Variants in CCDC59 observed in about 807,000 individuals in gnomAD.
CCDC59 encodes thyroid transcription factor 1-associated protein 26.
Under a neutral mutation model 30.5 loss-of-function variants are expected in CCDC59, and 27 were observed. That is an observed-to-expected ratio of 0.89 (90% confidence interval 0.65 to 1.22). The LOEUF is 1.22. CCDC59 is among the 50% of genes most tolerant of loss of function. CCDC59 has a pLI of 0.00. For synonymous variants in CCDC59, 125 were observed against 100.9 expected (o/e 1.24, Z -1.43); for missense variants, 362 against 284.4 (o/e 1.27, Z -1.96).
upstream of CCDC59, chr12:82,358,697 A>C: frequency 3.1e-6 from 5 of 1,614,158 alleles, no homozygotes; most frequent in Non-Finnish European, 4.2e-6. Context: ...TCTACACAGA[A>C]TCCGTGTGGG....
intron 1 of CCDC59, 183 bp from the exon 2 acceptor site, chr12:82,357,452 C>A: frequency 1.7e-6 from 1 of 594,882 alleles, no homozygotes; most frequent in Non-Finnish European, 2.9e-6. Flanking sequence ...AGTAAGTTGG[C>A]CCTTTGCAAA....
In CCDC59 at chr12:82,353,372, T is replaced by C. The variant is rs528169323; in HGVS notation, c.565-60A>G. ...ACAAACAGTAGATACAGTTCAGAAA[T>C]TGTCTTGAAATAGCTATTACTAAGC... On this transcript the variant is annotated intron_variant, in intron 3 of 3. Transcript: ENST00000256151. The C allele has an allele frequency of 4.4e-4, 601 of 1,375,622 alleles. 1 individual carries two copies. Among genetic ancestry groups the C allele is most frequent in the Non-Finnish European group, 5.6e-4 (565 of 1,007,128 alleles). The allele number at this position is 1,375,622 out of a possible 1,614,324, so 85.2% of individuals were successfully genotyped here.
intron 3 of CCDC59, among the ~76,000 whole-genome samples, chr12:82,353,545 C>T (rs1592551442): frequency 6.6e-6 from 1 of 152,054 alleles, no homozygotes; most frequent in Admixed American, 6.6e-5. Flanking sequence ...TCTATATAAA[C>T]AAAATTTTAA....
chr12:82,354,493 A>C lies in CCDC59; in HGVS notation c.564+2T>G. On this transcript the variant is annotated splice_donor_variant, in intron 3 of 3. Transcript: ENST00000256151. LOFTEE classifies it high-confidence loss of function. ...ACTAAATATTTTCAAAGTAGAACTT[A>C]CTTGTTTCTTAGCAGCACGTTTGGC... 1 of 1,576,072 alleles carries C rather than the reference A, an allele frequency of 6.3e-7. No individual in the cohort carries two copies. The highest frequency in any genetic ancestry group is 8.6e-7 in the Non-Finnish European group (1 of 1,157,842).
At chr12:82,354,446 T>C in intron 3 of CCDC59, 49 bp downstream of exon 3, 5 of 1,400,434 alleles carry the variant, frequency 3.6e-6, no homozygotes, top group South Asian at 1.3e-5. Flanking sequence ...TATATATATT[T>C]AGGATAAATA....
At chr12:82,355,647 A>G (rs1370455163) in intron 2 of CCDC59, 1 of 152,242 alleles carries the variant, frequency 6.6e-6, no homozygotes, top group African/African-American at 2.4e-5. Flanking sequence ...ATTCCAATTG[A>G]CAGAAACTGG....
At position 82,352,632 on chromosome 12, in the gene CCDC59, C is replaced by T. The variant is rs1413854410; in HGVS notation, c.*519G>A. The T allele has an allele frequency of 1.3e-5, 2 of 152,290 alleles. No individual in the cohort carries two copies. The highest frequency in any genetic ancestry group is 2.4e-5 in the African/African-American group (1 of 41,432). The allele number at this position is 152,290 out of a possible 1,614,324, so 9.4% of individuals were successfully genotyped here. On this transcript the variant is annotated 3_prime_UTR_variant, in exon 4 of 4. Transcript: ENST00000256151. ...TAAGGGAATGTTTATAAATATCAGA[C>T]TTTGAGTTCACTGCTTTGTGAAGGT...
In CCDC59 at chr12:82,358,326, C is replaced by T. The variant is rs376250125; in HGVS notation, c.51G>A (p.Ala17=). 8.1e-6 allele frequency: 13 copies of T among 1,614,006 alleles called. No individual in the cohort carries two copies. In the African/African-American group the frequency reaches 1.1e-4, roughly 13 times the overall value. Residue 17 remains alanine, a synonymous_variant, in exon 1 of 4, where the codon GCG becomes GCA. Coordinates refer to ENST00000256151, the MANE Select transcript of CCDC59 (RefSeq NM_014167.5). ...SAKWRPGGIE[A]RGEGVSTVGY... ...CGACAGTGGAAACCCCTTCACCACG[C>T]GCCTCAATACCACCAGGCCGCCACT...
Position 82,354,699 on chromosome 12 carries a change from C to A in CCDC59, c.465-105G>T. 7.2e-6 allele frequency: 6 copies of A among 837,766 alleles called. No individual in the cohort carries two copies. In the South Asian group the frequency reaches 1.2e-4, roughly 17 times the overall value. 51.9% of individuals were successfully genotyped at this position (837,766 alleles called of 1,614,324 possible). On this transcript the variant is annotated intron_variant, in intron 2 of 3. Coordinates refer to ENST00000256151, the MANE Select transcript of CCDC59 (RefSeq NM_014167.5). ...AAGAGTATATATTAAATAAAAGGCA[C>A]AAATGGGGATTCTTAGAGAAATATT...
At chr12:82,358,463 G>T (rs763207829), upstream of CCDC59, 96 of 1,601,548 alleles carry the variant, frequency 6.0e-5, no homozygotes, top group Non-Finnish European at 8.1e-5. Context: ...CGCTCAGAAG[G>T]AATCCGGCTC....
At chr12:82,358,543 T>G, upstream of CCDC59, 2 of 1,605,284 alleles carry the variant, frequency 1.2e-6, no homozygotes, top group Non-Finnish European at 1.7e-6. Flanking sequence ...TTGCGCCACC[T>G]ACAGCCTCGG....
Position 82,356,988 on chromosome 12 carries a change from G to A in CCDC59, c.436C>T (p.Pro146Ser), listed in dbSNP as rs1174832724. The change falls in exon 2 of 4, where the codon CCA (proline) becomes TCA (serine). Residue 146 changes from proline (P) to serine (S), a missense_variant. Transcript: ENST00000256151. ...ACTGTTTTAATACATTGTTCTTCTG[G>A]CTGAGGCTGGTCAAAGCTACACTGA... is the stretch of plus-strand genomic sequence containing the variant. Reference protein sequence around the residue: ...EDQCSFDQPQPEEQCIKTVNS... With the variant: ...EDQCSFDQPQSEEQCIKTVNS... The A allele has an allele frequency of 2.5e-6, 4 of 1,613,074 alleles. No homozygotes were observed. The Admixed American group carries it at 5.0e-5, about 20-fold the overall frequency.
rs1225640648 is a variant in CCDC59, at chr12:82,357,442, A to G, written c.155-173T>C. The stretch of plus-strand genomic sequence containing the variant: ...ACAAATTTAAGCTGATGGATTGCAT[A>G]GTAAGTTGGCCCTTTGCAAAAAGAC... On this transcript the variant is annotated intron_variant, in intron 1 of 3. Transcript: ENST00000256151. 6 of 612,932 alleles carry G rather than the reference A, an allele frequency of 9.8e-6. No individual in the cohort carries two copies. In the African/African-American group the frequency reaches 1.1e-4, roughly 11 times the overall value. 38.0% of individuals were successfully genotyped at this position (612,932 alleles called of 1,614,324 possible).
chr12:82,352,306 G>A lies in CCDC59; in HGVS notation c.*845C>T, dbSNP rs1880849963. Reference sequence around the variant, plus strand: ...CTTAATGCAATTTCAGACTGTATTTGCTATCATTTATAAAATTTTATTATT... The same window carrying A: ...CTTAATGCAATTTCAGACTGTATTTACTATCATTTATAAAATTTTATTATT... On this transcript the variant is annotated 3_prime_UTR_variant, in exon 4 of 4. Transcript: ENST00000256151. 6.6e-6 allele frequency: 1 copy of A among 152,194 alleles called. No individual in the cohort carries two copies. Among genetic ancestry groups the A allele is most frequent in the Admixed American group, 6.5e-5 (1 of 15,270 alleles). The allele number at this position is 152,194 out of a possible 1,614,324, so 9.4% of individuals were successfully genotyped here.
rs1030673580 is a variant in CCDC59, at chr12:82,352,949, C to T, written c.*202G>A. 44 of 417,932 alleles carry T rather than the reference C, an allele frequency of 1.1e-4. No homozygotes were observed. The highest frequency in any genetic ancestry group is 6.5e-4 in the Middle Eastern group (1 of 1,536). 25.9% of individuals were successfully genotyped at this position (417,932 alleles called of 1,614,324 possible). A position where few individuals can be genotyped will look rare whatever the true frequency, so the allele number is the denominator to read the frequency against. On this transcript the variant is annotated 3_prime_UTR_variant, in exon 4 of 4. Coordinates refer to ENST00000256151, the MANE Select transcript of CCDC59 (RefSeq NM_014167.5). ...GGTTCTTTCAGTTCTTCAGGCCAACCTTCCTTCAGAGGCAAATAAATAAGA... is the reference window on the plus strand; with the variant it reads ...GGTTCTTTCAGTTCTTCAGGCCAACTTTCCTTCAGAGGCAAATAAATAAGA...
intron 2 of CCDC59, chr12:82,354,989 T>C (rs1249901128): frequency 6.4e-6 from 1 of 155,686 alleles, no homozygotes; most frequent in African/African-American, 2.4e-5. Flanking sequence ...TGAACTGTTC[T>C]ATCTTTAACT....
upstream of CCDC59, chr12:82,358,798 C>G (rs528776770): frequency 1.2e-6 from 2 of 1,613,144 alleles, no homozygotes; most frequent in African/African-American, 2.7e-5. Context: ...GAGACGCGCC[C>G]CCTAGTGGAA....
At chr12:82,354,043 G>T (rs1021428091) in intron 3 of CCDC59, among the ~76,000 whole-genome samples, 4 of 151,222 alleles carry the variant, frequency 2.6e-5, no homozygotes, top group African/African-American at 9.7e-5. Flanking sequence ...AAACAGGCAA[G>T]AACACCTCTT....
chr12:82,357,721 C>CTGAAAA (rs1286352102), intron 1 of CCDC59, among the ~76,000 whole-genome samples: 2 of 152,170 alleles, frequency 1.3e-5, no homozygotes, highest in Non-Finnish European at 2.9e-5. Context: ...GTATGGTTGT[C>CTGAAAA]TGAAAAGCTA....
Sources: gnomAD v4.1 joint callset for allele counts (sites outside exome capture counted in the v4.1 genomes callset) on GRCh38, gnomAD v4.1.1 for gene constraint, MANE v1.5 for transcripts, NCBI Gene and HGNC (gene_info 2026-07-23, HGNC 2026-07-21) for gene names.